The following LRFN5 variants were observed in gnomAD, a reference collection of about 807,000 sequenced individuals.
LRFN5 encodes the protein leucine rich repeat and fibronectin type III domain containing 5, also known as leucine-rich repeat and fibronectin type-III domain-containing protein 5.
LRFN5 carries 24 observed loss-of-function variants against 45.6 expected under a neutral mutation model. The observed-to-expected ratio is 0.53, with a 90% confidence interval of 0.38 to 0.74. LRFN5 has a LOEUF of 0.74. LRFN5 is among the 30% of genes least tolerant of loss of function. The probability of loss-of-function intolerance (pLI) is 0.00; values close to 1 mark genes in which losing one functional copy is unlikely to be tolerated. For missense variants in LRFN5, 776 were observed against 861.5 expected, an observed-to-expected ratio of 0.90 and a Z score of 1.24; for synonymous variants, 340 against 313.8, an observed-to-expected ratio of 1.08 and a Z score of -0.88.
In LRFN5 at chr14:41,887,663, C is replaced by T; in HGVS notation, c.1038C>T (p.Ile346=). 6.2e-7 allele frequency: 1 copy of T among 1,614,160 alleles called. No individual in the cohort carries two copies. The highest frequency in any genetic ancestry group is 8.5e-7 in the Non-Finnish European group (1 of 1,180,032). ...VYDNGTLDIL[I]TTVKDTGAFT... Reference sequence around the variant, plus strand: ...ATAACGGAACACTTGACATTCTTATCACAACTGTAAAGGATACAGGTGCTT... The same window carrying T: ...ATAACGGAACACTTGACATTCTTATTACAACTGTAAAGGATACAGGTGCTT... Residue 346 remains isoleucine, a synonymous_variant, in exon 3 of 6, where the codon ATC becomes ATT. Coordinates refer to ENST00000298119, the MANE Select transcript of LRFN5 (RefSeq NM_152447.5). This position sits in a 1 kb window ranked among gnomAD's most constrained non-coding sequence, Gnocchi z 4.8.
At chr14:41,635,455 T>G (rs958273955) in intron 1 of LRFN5, among the ~76,000 whole-genome samples, 2 of 152,108 alleles carry the variant, frequency 1.3e-5, no homozygotes, top group Non-Finnish European at 2.9e-5. Context: ...ATACATGTAG[T>G]CAAAATTAAG....
chr14:41,744,777 A>G (rs1315096936), intron 1 of LRFN5, among the ~76,000 whole-genome samples: 1 of 152,206 alleles, frequency 6.6e-6, no homozygotes, highest in Non-Finnish European at 1.5e-5. Flanking sequence ...CTTTAAATTT[A>G]TAAAGCTTAC....
chr14:41,893,359 A>T (rs1384084353), intron 4 of LRFN5: 1 of 878,660 alleles, frequency 1.1e-6, no homozygotes, highest in African/African-American at 3.5e-5. Flanking sequence ...TCTATTAAAG[A>T]TCTATAAACA....
At chr14:41,817,534 A>T (rs1346494101) in intron 2 of LRFN5, among the ~76,000 whole-genome samples, 1 of 152,080 alleles carries the variant, frequency 6.6e-6, no homozygotes, top group Admixed American at 6.6e-5. Context: ...ACTCTATAAG[A>T]CAGGATGACT....
At chr14:41,797,546 C>G (rs982275029) in intron 2 of LRFN5, among the ~76,000 whole-genome samples, 2 of 151,442 alleles carry the variant, frequency 1.3e-5, no homozygotes, top group African/African-American at 4.8e-5. Flanking sequence ...TTCTTTCTTT[C>G]TTAAAGTTTC....
chr14:41,742,312 TAC>T (rs61109523), intron 1 of LRFN5, among the ~76,000 whole-genome samples: 25,177 of 145,002 alleles, frequency 0.17, 2,206 homozygotes, highest in African/African-American at 0.21. Flanking sequence ...GTGGTGTGTA[TAC>T]ACACACACAC....
chr14:41,894,427 A>G (rs1890874664), intron 4 of LRFN5: 3 of 897,210 alleles, frequency 3.3e-6, no homozygotes, highest in African/African-American at 1.8e-5. Flanking sequence ...TATTTTTAAT[A>G]TGATCATTTT....
At chr14:41,674,172 C>T (rs1461551085) in intron 1 of LRFN5, among the ~76,000 whole-genome samples, 1 of 140,884 alleles carries the variant, frequency 7.1e-6, no homozygotes, top group African/African-American at 2.6e-5. Context: ...CCCCTCACCT[C>T]CCAGACGGGG....
At chr14:41,841,825 T>C (rs1267776938) in intron 2 of LRFN5, among the ~76,000 whole-genome samples, 1 of 151,892 alleles carries the variant, frequency 6.6e-6, no homozygotes, top group Non-Finnish European at 1.5e-5. Flanking sequence ...TGGGTTAGTT[T>C]TTATGCATGG....
chr14:41,842,381 T>A (rs75662073), intron 2 of LRFN5, among the ~76,000 whole-genome samples: 21 of 152,234 alleles, frequency 1.4e-4, no homozygotes, highest in Admixed American at 1.2e-3. Context: ...CAACAAATAG[T>A]TATGTCAAAA....
chr14:41,886,799 G>A lies in LRFN5; in HGVS notation c.174G>A (p.Leu58=). 1.2e-6 allele frequency: 2 copies of A among 1,614,034 alleles called. No homozygotes were observed. The highest frequency in any genetic ancestry group is 1.3e-5 in the African/African-American group (1 of 75,020). The change falls in exon 3 of 6, where the codon TTG becomes TTA. Residue 58 remains leucine (L), a synonymous_variant. Coordinates refer to ENST00000298119, the MANE Select transcript of LRFN5 (RefSeq NM_152447.5). ...ACAGAAGAACTGTGGAACTGCGGTT[G>A]GCAGACAATTTTGTTACAAATATTA... ...NIDRRTVELR[L]ADNFVTNIKR...
At chr14:41,652,488 A>G (rs1880175404) in intron 1 of LRFN5, among the ~76,000 whole-genome samples, 1 of 152,204 alleles carries the variant, frequency 6.6e-6, no homozygotes, top group African/African-American at 2.4e-5. Flanking sequence ...ATTAGAATAT[A>G]GTAAATAAAT....
At chr14:41,728,296 C>T (rs1366837456) in intron 1 of LRFN5, among the ~76,000 whole-genome samples, 3 of 151,920 alleles carry the variant, frequency 2.0e-5, no homozygotes, top group Non-Finnish European at 4.4e-5. Flanking sequence ...GAGTTACAGA[C>T]TAACAACTTA....
chr14:41,665,640 G>C (rs1880861074), intron 1 of LRFN5, among the ~76,000 whole-genome samples: 1 of 151,902 alleles, frequency 6.6e-6, no homozygotes, highest in Non-Finnish European at 1.5e-5. Flanking sequence ...TCCTGTTTAG[G>C]TTTGTGTCTC....
chr14:41,730,381 A>G (rs1479584808), intron 1 of LRFN5, among the ~76,000 whole-genome samples: 1 of 152,002 alleles, frequency 6.6e-6, no homozygotes, highest in African/African-American at 2.4e-5. Context: ...ACTTTTATCA[A>G]TGTTGCTAAA....
intron 1 of LRFN5, among the ~76,000 whole-genome samples, chr14:41,627,228 T>C (rs576100331): frequency 1.3e-5 from 2 of 152,224 alleles, no homozygotes; most frequent in South Asian, 2.1e-4. Context: ...CTGTGCAGCT[T>C]ATCACCAGCA....
chr14:41,872,713 G>GAAGTTCTCAGCCTGCTC (rs1890058518), intron 2 of LRFN5, among the ~76,000 whole-genome samples: 1 of 152,212 alleles, frequency 6.6e-6, no homozygotes, highest in African/African-American at 2.4e-5. Flanking sequence ...GCAGCCTGCT[G>GAAGTTCTCAGCCTGCTC]TGAAGTTCTC....
chr14:41,758,097 C>T (rs1196101158), intron 1 of LRFN5, among the ~76,000 whole-genome samples: 1 of 152,132 alleles, frequency 6.6e-6, no homozygotes, highest in Non-Finnish European at 1.5e-5. Context: ...TTCTCTTTAT[C>T]ATATCTCTTT....
intron 1 of LRFN5, among the ~76,000 whole-genome samples, chr14:41,620,499 A>C (rs1472027668): frequency 6.6e-6 from 1 of 152,080 alleles, no homozygotes; most frequent in Non-Finnish European, 1.5e-5. Context: ...CGAAGAATTG[A>C]GGAGAGATGA....
Sources: gnomAD v4.1 joint callset for allele counts (sites outside exome capture counted in the v4.1 genomes callset) on GRCh38, gnomAD v4.1.1 for gene constraint, Gnocchi (gnomAD v3.1) non-coding constraint, MANE v1.5 for transcripts, NCBI Gene and HGNC (gene_info 2026-07-23, HGNC 2026-07-21) for gene names.